KCNG2: variants seen among roughly 807,000 people sequenced by gnomAD.
KCNG2 encodes the protein voltage-gated potassium channel regulatory subunit KCNG2.
In KCNG2, 7 loss-of-function variants were observed where a neutral mutation model predicts 12.3. That is an observed-to-expected ratio of 0.57 (90% CI 0.32 to 1.07). KCNG2 has a LOEUF of 1.07. Among genes scored for constraint, KCNG2 ranks in the 50% least tolerant of loss-of-function variants. KCNG2 has a pLI of 0.04. For synonymous variants in KCNG2, 414 were observed against 351.4 expected (o/e 1.18, Z -1.99); for missense variants, 703 against 726.0 (o/e 0.97, Z 0.36).
Position 79,899,210 on chromosome 18 carries a change from G to A in KCNG2, c.795G>A (p.Ser265=), listed in dbSNP as rs934179831. The A allele has an allele frequency of 6.2e-6, 10 of 1,602,692 alleles. No homozygotes were observed. Among genetic ancestry groups the A allele is most frequent in the Admixed American group, 1.7e-5 (1 of 59,898 alleles). The change falls in exon 4 of 4, where the codon TCG becomes TCA. Residue 265 remains serine, a synonymous_variant. Transcript: ENST00000316249. The part of the protein sequence containing the change: ...DILALLPFYV[S]LLLGLAAGPG... ...TGGCGCTCCTGCCGTTCTACGTGTCGCTGCTGCTGGGGCTGGCGGCAGGCC... is the reference window on the plus strand; with the variant it reads ...TGGCGCTCCTGCCGTTCTACGTGTCACTGCTGCTGGGGCTGGCGGCAGGCC...
intron 1 of KCNG2, among the ~76,000 whole-genome samples, chr18:79,801,222 G>T (rs1407686527): frequency 2.6e-5 from 4 of 152,236 alleles, no homozygotes; most frequent in Non-Finnish European, 5.9e-5. Flanking sequence ...TATGAGTTTA[G>T]AAAAAGGCTA....
intron 1 of KCNG2, among the ~76,000 whole-genome samples, chr18:79,851,730 AAT>A (rs1978827546): frequency 6.7e-6 from 1 of 148,492 alleles, no homozygotes; most frequent in Non-Finnish European, 1.5e-5. Context: ...CATGTGTGTG[AAT>A]GTGTATGCCT....
intron 1 of KCNG2, among the ~76,000 whole-genome samples, chr18:79,833,887 G>T (rs1443703205): frequency 6.6e-6 from 1 of 152,228 alleles, no homozygotes; most frequent in Non-Finnish European, 1.5e-5. Flanking sequence ...GCCGGGAAGA[G>T]AAAGGCCAAG....
At position 79,872,280 on chromosome 18, in the gene KCNG2, G is replaced by GTTTTTTTTTTTTTTTTT. The variant is rs1162742507; in HGVS notation, c.624+7996_624+8012dup. 9.7e-4 allele frequency among the ~76,000 whole-genome samples: 71 copies of GTTTTTTTTTTTTTTTTT among 73,412 alleles called. 8 individuals carry two copies. The highest frequency in any genetic ancestry group is 3.6e-3 in the African/African-American group (68 of 19,068). 48.2% of individuals were successfully genotyped at this position (73,412 alleles called of 152,430 possible). A position where few individuals can be genotyped will look rare whatever the true frequency, so the allele number is the denominator to read the frequency against. ...CTGATATAAAAGCTTCAAAGCTTCA[G>GTTTTTTTTTTTTTTTTT]TTTTTTTTTTTTTTTTTTTTTTTGA... On this transcript the variant is annotated intron_variant, in intron 3 of 3. Coordinates refer to ENST00000316249, the MANE Select transcript of KCNG2 (RefSeq NM_012283.2).
intron 2 of KCNG2, among the ~76,000 whole-genome samples, chr18:79,859,258 G>C (rs1434512083): frequency 6.6e-6 from 1 of 152,082 alleles, no homozygotes; most frequent in Non-Finnish European, 1.5e-5. Context: ...GTGTGATGTA[G>C]GCATCTTGGT....
In KCNG2 at chr18:79,822,380, C is replaced by T. The variant is rs749049953; in HGVS notation, c.-115+24366C>T. On this transcript the variant is annotated intron_variant, in intron 1 of 3. Transcript: ENST00000316249. This position sits in a 1 kb window ranked among gnomAD's most constrained non-coding sequence, Gnocchi z 4.4. The stretch of plus-strand genomic sequence containing the variant: ...GCCCCTCACCATCGTTCCCATCATC[C>T]GTCTGTAATAGCTCTCCAGTTTGTT... Among the ~76,000 whole-genome samples the T allele has an allele frequency of 7.2e-5, 11 of 152,134 alleles. No homozygotes were observed. The highest frequency in any genetic ancestry group is 2.2e-4 in the African/African-American group (9 of 41,416).
chr18:79,861,420 G>A (rs1056274787), intron 2 of KCNG2, among the ~76,000 whole-genome samples: 2 of 151,600 alleles, frequency 1.3e-5, no homozygotes, highest in Non-Finnish European at 2.9e-5. Flanking sequence ...CTGGGATTAC[G>A]GGCACCTGCC....
At chr18:79,833,785 G>A (rs2123028037) in intron 1 of KCNG2, among the ~76,000 whole-genome samples, 1 of 152,380 alleles carries the variant, frequency 6.6e-6, no homozygotes, top group East Asian at 1.9e-4. Context: ...GGGAAGTGTT[G>A]CAACAGCGAG....
intron 2 of KCNG2, among the ~76,000 whole-genome samples, chr18:79,859,619 G>C (rs999854259): frequency 6.6e-6 from 1 of 152,140 alleles, no homozygotes; most frequent in Non-Finnish European, 1.5e-5. Flanking sequence ...CCCCACCTCC[G>C]ACACTGGGTA....
chr18:79,899,456 G>A lies in KCNG2; in HGVS notation c.1041G>A (p.Leu347=). The A allele has an allele frequency of 6.2e-7, 1 of 1,602,262 alleles. No individual in the cohort carries two copies. The highest frequency in any genetic ancestry group is 8.5e-7 in the Non-Finnish European group (1 of 1,175,844). The change falls in exon 4 of 4, where the codon CTG becomes CTA. Residue 347 remains leucine (L), a synonymous_variant. Coordinates refer to ENST00000316249, the MANE Select transcript of KCNG2 (RefSeq NM_012283.2). ...TGGTGCACCTGGCCGAGCGCGAGCTGGGCGCGCGCCGCGACTTCTCCAGCG... is the reference window on the plus strand; with the variant it reads ...TGGTGCACCTGGCCGAGCGCGAGCTAGGCGCGCGCCGCGACTTCTCCAGCG... ...APLVHLAERE[L]GARRDFSSVP... is the part of the protein sequence containing the mutation.
intron 1 of KCNG2, among the ~76,000 whole-genome samples, chr18:79,854,837 C>T (rs185560853): frequency 1.4e-4 from 21 of 152,278 alleles, no homozygotes; most frequent in Admixed American, 6.5e-4. Context: ...TTCTGAGCTT[C>T]CTGGTAAACC....
At chr18:79,853,673 A>T (rs1978903467) in intron 1 of KCNG2, among the ~76,000 whole-genome samples, 1 of 152,218 alleles carries the variant, frequency 6.6e-6, no homozygotes, top group South Asian at 2.1e-4. Context: ...GAGCTTCCAG[A>T]TGCCAGGCAG....
intron 1 of KCNG2, among the ~76,000 whole-genome samples, chr18:79,812,001 A>C (rs1442035624): frequency 1.1e-4 from 17 of 152,208 alleles, no homozygotes; most frequent in Non-Finnish European, 4.4e-5. Context: ...TAATACTTGT[A>C]TCATCAGGCC....
intron 1 of KCNG2, among the ~76,000 whole-genome samples, chr18:79,854,444 T>A (rs908170162): frequency 6.6e-6 from 1 of 152,112 alleles, no homozygotes; most frequent in Non-Finnish European, 1.5e-5. Context: ...GCACGATTCC[T>A]CATCCTCAAA....
rs1279144336 is a variant in KCNG2 at position 79,884,550 on chromosome 18, GGGC to G, written c.625-14489_625-14487del. 8.8e-6 allele frequency among the ~76,000 whole-genome samples: 1 copy of G among 113,976 alleles called. No individual in the cohort carries two copies. Among genetic ancestry groups the G allele is most frequent in the Admixed American group, 9.5e-5 (1 of 10,476 alleles). The allele number at this position is 113,976 out of a possible 152,430, so 74.8% of individuals were successfully genotyped here. ...GCAGTGGAGGAGCAGGGCTGGGTCT[GGGC>G]CTGGGCCTGGGCGTGGCAGCTCCCC... On this transcript the variant is annotated intron_variant, in intron 3 of 3. Coordinates refer to ENST00000316249, the MANE Select transcript of KCNG2 (RefSeq NM_012283.2). This position sits in a 1 kb window ranked among gnomAD's most constrained non-coding sequence, Gnocchi z 5.5.
chr18:79,894,400 G>A (rs1298728591), intron 3 of KCNG2, among the ~76,000 whole-genome samples: 1 of 148,990 alleles, frequency 6.7e-6, no homozygotes, highest in Non-Finnish European at 1.5e-5. Context: ...CTTTTGATTG[G>A]GTTGTTCATG....
intron 1 of KCNG2, among the ~76,000 whole-genome samples, chr18:79,821,313 G>C: frequency 7.9e-6 from 1 of 126,658 alleles, no homozygotes; most frequent in East Asian, 2.3e-4. Flanking sequence ...TTTTTTGACA[G>C]AGCCTGGCTC....
chr18:79,838,566 A>G (rs977194720), intron 1 of KCNG2, among the ~76,000 whole-genome samples: 1 of 152,076 alleles, frequency 6.6e-6, no homozygotes, highest in Non-Finnish European at 1.5e-5. Context: ...GTGCACCACC[A>G]TGCCCAGCTA....
chr18:79,899,450 CG>C lies in KCNG2; in HGVS notation c.1036del (p.Glu346SerfsTer22). 6.3e-7 allele frequency: 1 copy of C among 1,599,476 alleles called. No homozygotes were observed. The highest frequency in any genetic ancestry group is 8.5e-7 in the Non-Finnish European group (1 of 1,174,888). On this transcript the variant is annotated frameshift_variant, in exon 4 of 4. Coordinates refer to ENST00000316249, the MANE Select transcript of KCNG2 (RefSeq NM_012283.2). LOFTEE classifies it low-confidence loss of function (END_TRUNC). Reference protein sequence around the residue: ...FAPLVHLAERELGARRDFSSV... With the variant: ...FAPLVHLAERXLGARRDFSSV... ...CGCCACTGGTGCACCTGGCCGAGCG[CG>C]AGCTGGGCGCGCGCCGCGACTTCTC...
Sources: gnomAD v4.1 joint callset for allele counts (sites outside exome capture counted in the v4.1 genomes callset) on GRCh38, gnomAD v4.1.1 for gene constraint, Gnocchi (gnomAD v3.1) non-coding constraint, MANE v1.5 for transcripts, NCBI Gene and HGNC (gene_info 2026-07-23, HGNC 2026-07-21) for gene names.